Variants in GBA2 observed in about 807,000 individuals in gnomAD.
The protein encoded by GBA2 is non-lysosomal glucosylceramidase.
A neutral mutation model predicts 112.9 loss-of-function variants in GBA2; 79 were observed. The ratio of observed to expected loss-of-function variants is 0.70; its 90% CI spans 0.58 to 0.84. The LOEUF (loss-of-function observed/expected upper bound fraction) is 0.84, where lower values mean the gene tolerates loss of function less well. Ranked by LOEUF, GBA2 falls within the 40% of genes least tolerant of loss-of-function variation. The probability of loss-of-function intolerance (pLI) is 0.00; values close to 1 mark genes in which losing one functional copy is unlikely to be tolerated. For missense variants in GBA2, 1,043 were observed against 1,190.0 expected, an observed-to-expected ratio of 0.88 and a Z score of 1.82; for synonymous variants, 403 against 434.3, an observed-to-expected ratio of 0.93 and a Z score of 0.90.
chr9:35,739,487 G>T, intron 9 of GBA2, 68 bp from the exon 10 acceptor site: 1 of 1,333,308 alleles, frequency 7.5e-7, no homozygotes, highest in Non-Finnish European at 1.1e-6. Flanking sequence ...TCTGTAGCTT[G>T]TCCTCTAGAT....
chr9:35,743,991 G>A lies in GBA2; in HGVS notation c.567+306C>T, dbSNP rs114941022. ...CTTTCAGGCAGGTTAAGTGATTTGG[G>A]AATTCTCTGCATTCTCTGTGGTTGG... On this transcript the variant is annotated intron_variant, in intron 3 of 16. Transcript: ENST00000378103. 7.4e-3 allele frequency among the ~76,000 whole-genome samples: 1,123 copies of A among 152,226 alleles called. 18 individuals carry two copies. Among genetic ancestry groups the A allele is most frequent in the African/African-American group, 0.025 (1,043 of 41,524 alleles).
rs757264982 is a variant in GBA2, at chr9:35,738,636, G to C, written c.1948-4C>G. 6.2e-7 allele frequency: 1 copy of C among 1,610,616 alleles called. No homozygotes were observed. Among genetic ancestry groups the C allele is most frequent in the Non-Finnish European group, 8.5e-7 (1 of 1,176,830 alleles). On this transcript the variant is annotated splice_polypyrimidine_tract_variant and splice_region_variant and intron_variant, in intron 12 of 16. Coordinates refer to ENST00000378103, the MANE Select transcript of GBA2 (RefSeq NM_020944.3). ...TCATTTCAGATTCCATCACAGCCTA[G>C]AGAGGGACCAAGATGTTGAAGACCT...
chr9:35,744,258 G>A (rs1389092487), intron 3 of GBA2, 39 bp downstream of exon 3: 1 of 1,113,144 alleles, frequency 9.0e-7, no homozygotes, highest in African/African-American at 1.5e-5. Context: ...CTTGGCCTGG[G>A]GAGGTATTGT....
Position 35,738,245 on chromosome 9 carries a change from T to A in GBA2, c.2184A>T (p.Arg728Ser). The A allele has an allele frequency of 6.2e-7, 1 of 1,614,178 alleles. No individual in the cohort carries two copies. The highest frequency in any genetic ancestry group is 8.5e-7 in the Non-Finnish European group (1 of 1,180,018). Residue 728 changes from arginine (R) to serine (S), a missense_variant, in exon 14 of 17, where the codon AGA (arginine) becomes AGT (serine). Arg to Ser is a moderately radical substitution (Grantham distance 110). Transcript: ENST00000378103. ...ILSRGQEAYERLLWNGRYYNY... is the reference protein window; with the variant it reads ...ILSRGQEAYESLLWNGRYYNY... ...CCCCGAACTCACCATTCCACAGCAG[T>A]CTCTCATAGGCTTCTTGGCCCCGGC...
At position 35,737,272 on chromosome 9, in the gene GBA2, TGCTGCTGTTGCAGGGCTA is replaced by T; in HGVS notation, c.2663_2680del (p.Leu888_Gln893del). 1 of 1,614,108 alleles carries T rather than the reference TGCTGCTGTTGCAGGGCTA, an allele frequency of 6.2e-7. No homozygotes were observed. Among genetic ancestry groups the T allele is most frequent in the Non-Finnish European group, 8.5e-7 (1 of 1,180,040 alleles). On this transcript the variant is annotated inframe_deletion, in exon 17 of 17. Transcript: ENST00000378103. This position sits in a 1 kb window ranked among gnomAD's most constrained non-coding sequence, Gnocchi z 4.1. ...TTTTGGCCAGGAGGCCTTTTTGTGC[TGCTGCTGTTGCAGGGCTA>T]GCTGCATGGCCCATATGCTCAGTGG... is the stretch of plus-strand genomic sequence containing the variant.
chr9:35,738,347 T>C lies in GBA2; in HGVS notation c.2082A>G (p.Ala694=). 1 of 1,614,164 alleles carries C rather than the reference T, an allele frequency of 6.2e-7. No individual in the cohort carries two copies. The highest frequency in any genetic ancestry group is 8.5e-7 in the Non-Finnish European group (1 of 1,179,998). ...PSAYCGGLWL[A]AVAVMVQMAA... ...CCATCTGGACCATCACAGCCACAGC[T>C]GCCAGCCACAGCCCTCCACAGTAAG... The change falls in exon 14 of 17, where the codon GCA becomes GCG. Residue 694 remains alanine (A), a synonymous_variant. Coordinates refer to ENST00000378103, the MANE Select transcript of GBA2 (RefSeq NM_020944.3).
Position 35,738,025 on chromosome 9 carries a change from C to G in GBA2, c.2313+12G>C. On this transcript the variant is annotated intron_variant, in intron 15 of 16. Transcript: ENST00000378103. ...CCATTTTTCTCTCTGGCTGCTCCTCCTCCTCTCTCACCTCAGTGTCTCCTT... is the reference window on the plus strand; with the variant it reads ...CCATTTTTCTCTCTGGCTGCTCCTCGTCCTCTCTCACCTCAGTGTCTCCTT... The G allele has an allele frequency of 6.3e-7, 1 of 1,597,732 alleles. No individual in the cohort carries two copies. Among genetic ancestry groups the G allele is most frequent in the Non-Finnish European group, 8.6e-7 (1 of 1,169,074 alleles).
chr9:35,748,348 C>T lies in GBA2; in HGVS notation c.357G>A (p.Leu119=), dbSNP rs753706349. The T allele has an allele frequency of 1.3e-6, 2 of 1,591,020 alleles. No homozygotes were observed. Among genetic ancestry groups the T allele is most frequent in the Admixed American group, 3.4e-5 (2 of 59,316 alleles). The change falls in exon 1 of 17, where the codon TTG becomes TTA. Residue 119 remains leucine (L), a splice_region_variant and synonymous_variant. Transcript: ENST00000378103. The part of the protein sequence containing the change: ...SNMIKHIGMG[L]RYLQWWYRKT... ...TCTAGGCAATGGGGTCTACTCACCT[C>T]AAGCCCATGCCTATATGCTTTATCA... is the stretch of plus-strand genomic sequence containing the variant.
In GBA2 at chr9:35,748,927, C is replaced by A. The variant is rs184304721; in HGVS notation, c.-223G>T. On this transcript the variant is annotated 5_prime_UTR_variant, in exon 1 of 17. Transcript: ENST00000378103. ...CTCTCCTTCGGTTGTCTCTGTAGGT[C>A]CTGGACGGGAAGGGTCGGGCCTCGT... 6.1e-5 allele frequency: 27 copies of A among 445,234 alleles called. 1 individual carries two copies. The highest frequency in any genetic ancestry group is 5.2e-4 in the African/African-American group (26 of 49,606). 27.6% of individuals were successfully genotyped at this position (445,234 alleles called of 1,614,324 possible).
rs1291556864 is a variant in GBA2, at chr9:35,741,187, G to C, written c.787-123C>G. 2.9e-6 allele frequency: 3 copies of C among 1,051,768 alleles called. No homozygotes were observed. In the East Asian group the frequency reaches 7.6e-5, roughly 27 times the overall value. The allele number at this position is 1,051,768 out of a possible 1,614,324, so 65.2% of individuals were successfully genotyped here. ...ATACTCCCCAGTGTACTCTTCTTTT[G>C]TCCACTTGCATCTCCCCATATTCCC... is the stretch of plus-strand genomic sequence containing the variant. On this transcript the variant is annotated intron_variant, in intron 4 of 16. Transcript: ENST00000378103. This position sits in a 1 kb window ranked among gnomAD's most constrained non-coding sequence, Gnocchi z 4.6.
rs1160145071 is a variant in GBA2 at position 35,741,841 on chromosome 9, A to G, written c.617T>C (p.Leu206Pro). Residue 206 changes from leucine (L) to proline (P), a missense_variant, in exon 4 of 17, where the codon CTG (leucine) becomes CCG (proline). Coordinates refer to ENST00000378103, the MANE Select transcript of GBA2 (RefSeq NM_020944.3). This position sits in a 1 kb window ranked among gnomAD's most constrained non-coding sequence, Gnocchi z 4.6. ...REGQTVYQQV[L>P]SLERPSVLRS... ...GAGGACACTTGGGCGCTCCAGGGAC[A>G]GGACTTGCTGGTACACAGTCTGCCC... 1.1e-5 allele frequency: 17 copies of G among 1,614,066 alleles called. No individual in the cohort carries two copies. Among genetic ancestry groups the G allele is most frequent in the Non-Finnish European group, 1.4e-5 (17 of 1,179,924 alleles).
Position 35,737,317 on chromosome 9 carries a change from C to T in GBA2, c.2636G>A (p.Arg879Gln), listed in dbSNP as rs1588001500. 5.6e-6 allele frequency: 9 copies of T among 1,614,108 alleles called. No homozygotes were observed. Among genetic ancestry groups the T allele is most frequent in the South Asian group, 1.1e-5 (1 of 91,078 alleles). Residue 879 changes from arginine to glutamine, a missense_variant, in exon 17 of 17, where the codon CGG becomes CAG. Coordinates refer to ENST00000378103, the MANE Select transcript of GBA2 (RefSeq NM_020944.3). The surrounding 1 kb of genome is among the most constrained non-coding windows in gnomAD (Gnocchi z 4.1). ...QRVFRSLAYM[R>Q]PLSIWAMQLA... is the part of the protein sequence containing the mutation. ...CTGCATGGCCCATATGCTCAGTGGC[C>T]GCATGTAGGCCAGTGAGCGGAACAC...
At chr9:35,748,264 T>C (rs1827092539) in intron 1 of GBA2, 82 bp downstream of exon 1, 1 of 856,824 alleles carries the variant, frequency 1.2e-6, no homozygotes, top group South Asian at 1.6e-5. Flanking sequence ...AACTGCTTTC[T>C]TGCCCTTTCC....
chr9:35,739,945 C>T (rs1826539778), intron 8 of GBA2, 53 bp downstream of exon 8: 2 of 1,604,546 alleles, frequency 1.2e-6, no homozygotes, highest in African/African-American at 1.3e-5. Context: ...ATCGAGGAGT[C>T]CCATTTGGAG....
chr9:35,740,438 G>A lies in GBA2; in HGVS notation c.1130-76C>T. 1 of 1,583,372 alleles carries A rather than the reference G, an allele frequency of 6.3e-7. No homozygotes were observed. Among genetic ancestry groups the A allele is most frequent in the South Asian group, 1.1e-5 (1 of 89,288 alleles). ...ATAGGGATCCCTAACATGGAAACAA[G>A]GCCTACTTATTACCAGGCCTCCCAC... On this transcript the variant is annotated intron_variant, in intron 6 of 16. Transcript: ENST00000378103. The surrounding 1 kb of genome is among the most constrained non-coding windows in gnomAD (Gnocchi z 4.7).
chr9:35,748,202 C>T, intron 1 of GBA2, 144 bp downstream of exon 1: 1 of 605,352 alleles, frequency 1.7e-6, no homozygotes, highest in East Asian at 2.7e-5. Context: ...TCCAAAACCA[C>T]AGGCCTAAAA....
chr9:35,739,478 CTG>C (rs1188866067), intron 9 of GBA2, 59 bp from the exon 10 acceptor site: 2 of 1,371,356 alleles, frequency 1.5e-6, no homozygotes, highest in African/African-American at 2.9e-5. Context: ...TCAAACCCCT[CTG>C]TAGCTTGTCC....
In GBA2 at chr9:35,748,933, C is replaced by T; in HGVS notation, c.-229G>A. 2.4e-6 allele frequency: 1 copy of T among 419,682 alleles called. No individual in the cohort carries two copies. Among genetic ancestry groups the T allele is most frequent in the Non-Finnish European group, 4.2e-6 (1 of 237,632 alleles). The allele number at this position is 419,682 out of a possible 1,614,324, so 26.0% of individuals were successfully genotyped here. A position where few individuals can be genotyped will look rare whatever the true frequency, so the allele number is the denominator to read the frequency against. ...TTCGGTTGTCTCTGTAGGTCCTGGA[C>T]GGGAAGGGTCGGGCCTCGTCGTCAT... On this transcript the variant is annotated 5_prime_UTR_variant, in exon 1 of 17. Transcript: ENST00000378103.
Position 35,741,785 on chromosome 9 carries a change from A to G in GBA2, c.673T>C (p.Phe225Leu). 1 of 1,613,892 alleles carries G rather than the reference A, an allele frequency of 6.2e-7. No homozygotes were observed. The highest frequency in any genetic ancestry group is 2.2e-5 in the East Asian group (1 of 44,874). The change falls in exon 4 of 17, where the codon TTT becomes CTT. Residue 225 changes from phenylalanine to leucine, a missense_variant. Coordinates refer to ENST00000378103, the MANE Select transcript of GBA2 (RefSeq NM_020944.3). This position sits in a 1 kb window ranked among gnomAD's most constrained non-coding sequence, Gnocchi z 4.6. ...RSWNWGLCGY[F>L]AFYHALYPRA... Reference sequence around the variant, plus strand: ...GGATAGAGGGCATGGTAGAAAGCAAAGTACCCACACAGGCCCCAGTTCCAG... The same window carrying G: ...GGATAGAGGGCATGGTAGAAAGCAAGGTACCCACACAGGCCCCAGTTCCAG...
Sources: allele counts gnomAD v4.1 joint callset (sites outside exome capture counted in the v4.1 genomes callset), GRCh38; gene constraint gnomAD v4.1.1; non-coding constraint Gnocchi (gnomAD v3.1); transcripts MANE v1.5; gene names NCBI Gene and HGNC (gene_info 2026-07-23, HGNC 2026-07-21).